The following ROBO2 variants were observed in gnomAD, a reference collection of about 807,000 sequenced individuals.
The protein encoded by ROBO2 is roundabout guidance receptor 2.
Under a neutral mutation model 160.8 loss-of-function variants are expected in ROBO2, and 53 were observed. The ratio of observed to expected loss-of-function variants is 0.33; its 90% CI spans 0.26 to 0.41. The LOEUF is 0.41. Among genes scored for constraint, ROBO2 ranks in the 10% least tolerant of loss-of-function variants. The pLI is 1.00. For missense variants in ROBO2, 1,577 were observed against 1,722.4 expected (o/e 0.92, Z 1.49); for synonymous variants, 664 against 611.7 (o/e 1.09, Z -1.26).
chr3:77,362,903 A>G (rs2070255723), intron 2 of ROBO2, among the ~76,000 whole-genome samples: 1 of 152,126 alleles, frequency 6.6e-6, no homozygotes, highest in Admixed American at 6.6e-5. Flanking sequence ...ATTCATTATC[A>G]GGAGAACAGC....
intron 2 of ROBO2, among the ~76,000 whole-genome samples, chr3:76,559,068 T>C (rs781403377): frequency 2.0e-5 from 3 of 152,108 alleles, no homozygotes; most frequent in Non-Finnish European, 2.9e-5. Context: ...AGATGGTATT[T>C]ACATACGGGG....
rs140457631 is a variant in ROBO2, at chr3:76,558,786, T to C, written c.110-539228T>C. On this transcript the variant is annotated intron_variant, in intron 2 of 26. Coordinates refer to the ROBO2 transcript ENST00000487694. ...AACAATCGTTAGTATTACATAGATA[T>C]AGGCATATTGGTTAACAGAATAAAT... is the stretch of plus-strand genomic sequence containing the variant. Among the ~76,000 whole-genome samples, 389 of 152,236 alleles carry C rather than the reference T, an allele frequency of 2.6e-3. 2 individuals are homozygous for C. Among genetic ancestry groups the C allele is most frequent in the African/African-American group, 9.1e-3 (379 of 41,552 alleles).
At chr3:77,607,393 T>C (rs192208445) in intron 20 of ROBO2, among the ~76,000 whole-genome samples, 30 of 152,332 alleles carry the variant, frequency 2.0e-4, no homozygotes, top group Non-Finnish European at 3.5e-4. Flanking sequence ...GTTTAGCCTA[T>C]ATCCTTAGAC....
chr3:77,168,070 A>T (rs978393193), intron 2 of ROBO2, among the ~76,000 whole-genome samples: 6 of 152,190 alleles, frequency 3.9e-5, no homozygotes, highest in African/African-American at 1.2e-4. Context: ...TGGTTCTCAT[A>T]AAGTTGATTC....
intron 2 of ROBO2, among the ~76,000 whole-genome samples, chr3:77,179,660 T>C (rs564146634): frequency 6.6e-6 from 1 of 152,256 alleles, no homozygotes; most frequent in South Asian, 2.1e-4. Flanking sequence ...CTATGTCCCG[T>C]TTCTTTTAAA....
chr3:77,049,483 C>A (rs776345310), intron 1 of ROBO2, among the ~76,000 whole-genome samples: 4 of 152,158 alleles, frequency 2.6e-5, no homozygotes, highest in Non-Finnish European at 5.9e-5. Context: ...GCATGACAGC[C>A]AAAATTAACT....
At chr3:77,120,775 G>A (rs1005254478) in intron 2 of ROBO2, among the ~76,000 whole-genome samples, 5 of 152,072 alleles carry the variant, frequency 3.3e-5, no homozygotes, top group African/African-American at 1.2e-4. Context: ...AAGCAACTGA[G>A]CAGCTTTATA....
chr3:77,198,795 C>T (rs1243730993), intron 2 of ROBO2, among the ~76,000 whole-genome samples: 2 of 151,792 alleles, frequency 1.3e-5, no homozygotes, highest in African/African-American at 2.4e-5. Context: ...CCCAGCTACT[C>T]GGGAGGCTGA....
At chr3:76,350,431 C>T (rs941171284) in intron 2 of ROBO2, among the ~76,000 whole-genome samples, 1 of 151,976 alleles carries the variant, frequency 6.6e-6, no homozygotes, top group African/African-American at 2.4e-5. Context: ...TTGTAATTGC[C>T]ATTTTCTCTG....
At chr3:77,445,794 GTTTTT>G (rs199914360) in intron 2 of ROBO2, among the ~76,000 whole-genome samples, 2 of 123,078 alleles carry the variant, frequency 1.6e-5, no homozygotes, top group African/African-American at 6.4e-5. Context: ...GTTTTTTTTT[GTTTTT>G]TTTTTTTTTT....
chr3:76,710,280 C>T (rs1032066609), intron 2 of ROBO2, among the ~76,000 whole-genome samples: 1 of 152,036 alleles, frequency 6.6e-6, no homozygotes, highest in Non-Finnish European at 1.5e-5. Flanking sequence ...ACCACCCTGC[C>T]AAGCTTATTT....
At chr3:76,272,247 TGCCTTGGTA>T (rs2107630984) in intron 2 of ROBO2, among the ~76,000 whole-genome samples, 1 of 152,312 alleles carries the variant, frequency 6.6e-6, no homozygotes, top group Admixed American at 6.5e-5. Context: ...TATAATTTTA[TGCCTTGGTA>T]GGGCCATCTC....
intron 1 of ROBO2, among the ~76,000 whole-genome samples, chr3:75,926,082 G>A (rs1039644475): frequency 1.3e-5 from 2 of 152,100 alleles, no homozygotes; most frequent in African/African-American, 2.4e-5. Context: ...AAATATGATG[G>A]TCCTTAAATC....
chr3:76,844,184 C>A (rs984978035), intron 2 of ROBO2, among the ~76,000 whole-genome samples: 1 of 151,904 alleles, frequency 6.6e-6, no homozygotes, highest in African/African-American at 2.4e-5. Flanking sequence ...CTTCATGCAA[C>A]GTCATTTGCA....
intron 2 of ROBO2, among the ~76,000 whole-genome samples, chr3:76,246,421 A>C (rs1705624855): frequency 6.6e-6 from 1 of 152,154 alleles, no homozygotes; most frequent in Admixed American, 6.6e-5. Flanking sequence ...AAAACTAATT[A>C]GTAAATAAAT....
intron 2 of ROBO2, among the ~76,000 whole-genome samples, chr3:76,094,875 A>G (rs1394097050): frequency 1.3e-5 from 2 of 152,220 alleles, no homozygotes; most frequent in Non-Finnish European, 2.9e-5. Flanking sequence ...TTGTACTATC[A>G]ACAAATTTTA....
At chr3:77,450,797 T>C (rs1260742841) in intron 2 of ROBO2, among the ~76,000 whole-genome samples, 2 of 152,058 alleles carry the variant, frequency 1.3e-5, no homozygotes, top group African/African-American at 2.4e-5. Context: ...AATGTCTTTG[T>C]TAGGTATTGT....
intron 2 of ROBO2, among the ~76,000 whole-genome samples, chr3:76,834,996 ACAAG>A (rs1036627414): frequency 2.0e-4 from 31 of 152,282 alleles, no homozygotes; most frequent in South Asian, 4.1e-4. Context: ...ATGATGTTAC[ACAAG>A]CAAAAGGAAT....
chr3:76,504,205 GTAAAA>G (rs1215952259), intron 2 of ROBO2, among the ~76,000 whole-genome samples: 2 of 152,180 alleles, frequency 1.3e-5, no homozygotes, highest in African/African-American at 4.8e-5. Context: ...AAAAATATAT[GTAAAA>G]TAGAGGTTTT....
Sources: gnomAD v4.1 joint callset for allele counts (sites outside exome capture counted in the v4.1 genomes callset) on GRCh38, gnomAD v4.1.1 for gene constraint, MANE v1.5 for transcripts, NCBI Gene and HGNC (gene_info 2026-07-23, HGNC 2026-07-21) for gene names.